TSC22D2: variants seen among roughly 807,000 people sequenced by gnomAD.
TSC22D2 encodes TSC22 domain family protein 2.
TSC22D2 carries 5 observed loss-of-function variants against 50.1 expected under a neutral mutation model. The observed-to-expected ratio is 0.10, with a 90% confidence interval of 0.05 to 0.21. The LOEUF is 0.21. TSC22D2 is among the 10% of genes least tolerant of loss of function. TSC22D2 has a pLI of 1.00. For synonymous variants in TSC22D2, 501 were observed against 450.1 expected, an observed-to-expected ratio of 1.11 and a Z score of -1.43; for missense variants, 1,003 against 1,015.5, an observed-to-expected ratio of 0.99 and a Z score of 0.17.
At chr3:150,415,381 A>G (rs1719763080) in intron 1 of TSC22D2, among the ~76,000 whole-genome samples, 1 of 152,214 alleles carries the variant, frequency 6.6e-6, no homozygotes, top group African/African-American at 2.4e-5. Context: ...TTTTAGTAAC[A>G]CTTGTTTTTT....
At chr3:150,452,256 A>C (rs1421284025) in intron 1 of TSC22D2, among the ~76,000 whole-genome samples, 1 of 151,978 alleles carries the variant, frequency 6.6e-6, no homozygotes, top group African/African-American at 2.4e-5. Flanking sequence ...GACCAGCCTG[A>C]CCAACATAGA....
At chr3:150,440,533 A>C (rs1469182918) in intron 1 of TSC22D2, among the ~76,000 whole-genome samples, 1 of 152,076 alleles carries the variant, frequency 6.6e-6, no homozygotes, top group African/African-American at 2.4e-5. Flanking sequence ...AGGATTTATA[A>C]ACAGCAAACA....
rs139705131 is a variant in TSC22D2, at chr3:150,445,316, A to AAATAAT, written c.1959-11721_1959-11716dup. Among the ~76,000 whole-genome samples the AAATAAT allele has an allele frequency of 3.6e-3, 506 of 142,528 alleles. 2 individuals carry two copies. The highest frequency in any genetic ancestry group is 0.01 in the East Asian group (51 of 4,934). 93.5% of individuals were successfully genotyped at this position (142,528 alleles called of 152,430 possible). A position where few individuals can be genotyped will look rare whatever the true frequency, so the allele number is the denominator to read the frequency against. On this transcript the variant is annotated intron_variant, in intron 1 of 2. Coordinates refer to ENST00000688009, the MANE Select transcript of TSC22D2 (RefSeq NM_001303264.2). ...TGACAAGAGCAAGACTCTGTCTCAA[A>AAATAAT]AATAATAATAATAATAATAATAATA...
intron 1 of TSC22D2, among the ~76,000 whole-genome samples, chr3:150,443,062 G>A (rs768227496): frequency 2.6e-5 from 4 of 152,178 alleles, no homozygotes; most frequent in Non-Finnish European, 5.9e-5. Flanking sequence ...TGAGTTAGAA[G>A]GGAATTTAAT....
intron 1 of TSC22D2, among the ~76,000 whole-genome samples, chr3:150,449,299 C>A (rs1720971712): frequency 6.6e-6 from 1 of 152,132 alleles, no homozygotes; most frequent in Non-Finnish European, 1.5e-5. Flanking sequence ...AAAGATAACT[C>A]CTTCATGAGT....
chr3:150,456,144 A>G (rs1370660064), intron 1 of TSC22D2, among the ~76,000 whole-genome samples: 3 of 151,810 alleles, frequency 2.0e-5, no homozygotes, highest in Non-Finnish European at 4.4e-5. Flanking sequence ...CCTACAGTCA[A>G]ATACATGTAG....
In TSC22D2 at chr3:150,462,534, TGAAG is replaced by T. The variant is rs1034251300; in HGVS notation, c.*3903_*3906del. On this transcript the variant is annotated 3_prime_UTR_variant, in exon 3 of 3. Coordinates refer to ENST00000688009, the MANE Select transcript of TSC22D2 (RefSeq NM_001303264.2). Reference sequence around the variant, plus strand: ...TACATAGGCAATTTTGTGAAGGTCATGAAGGAAGTTTGTCTTGGGTCTTTCTGTA... The same window carrying T: ...TACATAGGCAATTTTGTGAAGGTCATGAAGTTTGTCTTGGGTCTTTCTGTA... 1 of 152,100 alleles carries T rather than the reference TGAAG, an allele frequency of 6.6e-6. No homozygotes were observed. Among genetic ancestry groups the T allele is most frequent in the Non-Finnish European group, 1.5e-5 (1 of 68,030 alleles). 9.4% of individuals were successfully genotyped at this position (152,100 alleles called of 1,614,324 possible). A position where few individuals can be genotyped will look rare whatever the true frequency, so the allele number is the denominator to read the frequency against.
intron 1 of TSC22D2, chr3:150,423,188 G>A (rs1375970956): frequency 2.5e-5 from 29 of 1,172,100 alleles, no homozygotes; most frequent in Middle Eastern, 2.0e-4. Flanking sequence ...GCACTGTACT[G>A]GTTTCTCATT....
intron 1 of TSC22D2, among the ~76,000 whole-genome samples, chr3:150,424,939 A>G (rs553707346): frequency 1.1e-4 from 16 of 152,310 alleles, no homozygotes; most frequent in Admixed American, 2.0e-4. Context: ...GAGAGGAGCA[A>G]TCATGGCTAA....
Position 150,451,396 on chromosome 3 carries a change from C to T in TSC22D2, c.1959-5680C>T, listed in dbSNP as rs539716165. 3.9e-5 allele frequency among the ~76,000 whole-genome samples: 6 copies of T among 152,198 alleles called. 1 individual carries two copies. The South Asian group carries it at 1.0e-3, about 26-fold the overall frequency. Reference sequence around the variant, plus strand: ...AGTGCCTTTTCTAAGAGGTTCCCTCCCTTATTCTCAGAGCTGAACCTCTTC... The same window carrying T: ...AGTGCCTTTTCTAAGAGGTTCCCTCTCTTATTCTCAGAGCTGAACCTCTTC... On this transcript the variant is annotated intron_variant, in intron 1 of 2. Transcript: ENST00000688009.
At chr3:150,455,822 T>A (rs1385016191) in intron 1 of TSC22D2, among the ~76,000 whole-genome samples, 8 of 152,226 alleles carry the variant, frequency 5.3e-5, no homozygotes. Context: ...CTTTTCGTAT[T>A]GATACAATAA....
In TSC22D2 at chr3:150,464,206, T is replaced by C. The variant is rs1043231012; in HGVS notation, c.*5570T>C. The C allele has an allele frequency of 5.3e-5, 8 of 152,120 alleles. No individual in the cohort carries two copies. The highest frequency in any genetic ancestry group is 1.7e-4 in the African/African-American group (7 of 41,410). The allele number at this position is 152,120 out of a possible 1,614,324, so 9.4% of individuals were successfully genotyped here. A position where few individuals can be genotyped will look rare whatever the true frequency, so the allele number is the denominator to read the frequency against. On this transcript the variant is annotated 3_prime_UTR_variant, in exon 3 of 3. Transcript: ENST00000688009. The stretch of plus-strand genomic sequence containing the variant: ...CTTGCCTGCTGCAATCCAAATGTTA[T>C]CCGGATCACAGTTCTTGCTGTCATT...
chr3:150,418,222 A>G (rs1719888887), intron 1 of TSC22D2, among the ~76,000 whole-genome samples: 1 of 151,996 alleles, frequency 6.6e-6, no homozygotes, highest in Non-Finnish European at 1.5e-5. Context: ...ACTGGAATAC[A>G]AATATGAGAC....
At position 150,465,780 on chromosome 3, in the gene TSC22D2, T is replaced by A. The variant is rs1721525883; in HGVS notation, c.*7144T>A. The A allele has an allele frequency of 6.6e-6, 1 of 152,162 alleles. No homozygotes were observed. The highest frequency in any genetic ancestry group is 6.5e-5 in the Admixed American group (1 of 15,268). 9.4% of individuals were successfully genotyped at this position (152,162 alleles called of 1,614,324 possible). A position where few individuals can be genotyped will look rare whatever the true frequency, so the allele number is the denominator to read the frequency against. On this transcript the variant is annotated 3_prime_UTR_variant, in exon 3 of 3. Transcript: ENST00000688009. ...TAATAAAAATCTCTCACTATCCCTC[T>A]CCATCCTGCCTGGGACAGGAATCAT... is the stretch of plus-strand genomic sequence containing the variant.
At chr3:150,455,370 G>A (rs1721154406) in intron 1 of TSC22D2, among the ~76,000 whole-genome samples, 1 of 152,132 alleles carries the variant, frequency 6.6e-6, no homozygotes, top group Non-Finnish European at 1.5e-5. Context: ...CACATATAAA[G>A]TATTTGTTAA....
Position 150,409,258 on chromosome 3 carries a change from C to G in TSC22D2, c.-93C>G, listed in dbSNP as rs777062843. On this transcript the variant is annotated 5_prime_UTR_variant, in exon 1 of 3. Transcript: ENST00000688009. The surrounding 1 kb of genome is among the most constrained non-coding windows in gnomAD (Gnocchi z 7.4). ...CCTCAGACCCCAGCGCAGACTCGGA[C>G]TTTGTCTTTGGGGGCCCGTGCTCTG... 1.4e-6 allele frequency: 2 copies of G among 1,436,392 alleles called. No homozygotes were observed. The highest frequency in any genetic ancestry group is 1.9e-6 in the Non-Finnish European group (2 of 1,075,956). The allele number at this position is 1,436,392 out of a possible 1,614,324, so 89.0% of individuals were successfully genotyped here.
intron 1 of TSC22D2, among the ~76,000 whole-genome samples, chr3:150,432,585 TA>T (rs1302059408): frequency 9.3e-4 from 137 of 147,244 alleles, no homozygotes; most frequent in Admixed American, 3.2e-3. Context: ...GAGCTTTTTT[TA>T]AAAAAAAAAA....
chr3:150,411,448 T>C (rs895692157), intron 1 of TSC22D2, 140 bp downstream of exon 1: 15 of 893,010 alleles, frequency 1.7e-5, no homozygotes, highest in Non-Finnish European at 2.5e-5. Context: ...AAAATTGATT[T>C]AGATTGCTGA....
At chr3:150,452,271 C>G (rs1024982852) in intron 1 of TSC22D2, among the ~76,000 whole-genome samples, 2 of 152,026 alleles carry the variant, frequency 1.3e-5, no homozygotes, top group East Asian at 3.9e-4. Flanking sequence ...CATAGAGAAA[C>G]CCCGTCTCCA....
Sources: gnomAD v4.1 joint callset for allele counts (sites outside exome capture counted in the v4.1 genomes callset) on GRCh38, gnomAD v4.1.1 for gene constraint, Gnocchi (gnomAD v3.1) non-coding constraint, MANE v1.5 for transcripts, NCBI Gene and HGNC (gene_info 2026-07-23, HGNC 2026-07-21) for gene names.